RRP1B: variants seen among roughly 807,000 people sequenced by gnomAD.
RRP1B encodes the protein ribosomal RNA processing protein 1 homolog B.
Under a neutral mutation model 80.2 loss-of-function variants are expected in RRP1B, and 56 were observed. That is an observed-to-expected ratio of 0.70 (90% CI 0.56 to 0.87). The LOEUF (loss-of-function observed/expected upper bound fraction) is 0.87. Among genes scored for constraint, RRP1B ranks in the 40% least tolerant of loss-of-function variants. The pLI is 0.00. For synonymous variants in RRP1B, 351 were observed against 357.6 expected, an observed-to-expected ratio of 0.98 and a Z score of 0.21; for missense variants, 807 against 939.8, an observed-to-expected ratio of 0.86 and a Z score of 1.85.
chr21:43,684,030 AT>A (rs571614467), intron 9 of RRP1B, among the ~76,000 whole-genome samples: 6,949 of 139,666 alleles, frequency 0.05, 693 homozygotes, highest in African/African-American at 0.18. Flanking sequence ...CTCTATCACA[AT>A]TTTTTTTTTT....
intron 1 of RRP1B, among the ~76,000 whole-genome samples, chr21:43,665,450 G>A (rs2147160653): frequency 6.6e-6 from 1 of 152,330 alleles, no homozygotes; most frequent in East Asian, 1.9e-4. Flanking sequence ...TTTGATGGTG[G>A]TAAGGTTCTT....
chr21:43,669,840 G>T lies in RRP1B; in HGVS notation c.131-44G>T, dbSNP rs530144164. ...CACCACTTTCTAAACTTGAAGAAAA[G>T]AGATGCATAGACTCTAAGATGTTTG... On this transcript the variant is annotated intron_variant, in intron 1 of 15. Coordinates refer to ENST00000340648, the MANE Select transcript of RRP1B (RefSeq NM_015056.3). The T allele has an allele frequency of 1.5e-5, 20 of 1,364,660 alleles. No homozygotes were observed. In the African/African-American group the frequency reaches 2.7e-4, roughly 19 times the overall value. The allele number at this position is 1,364,660 out of a possible 1,614,324, so 84.5% of individuals were successfully genotyped here.
chr21:43,688,657 T>G (rs1447238483), intron 13 of RRP1B, among the ~76,000 whole-genome samples: 1 of 152,180 alleles, frequency 6.6e-6, no homozygotes, highest in Non-Finnish European at 1.5e-5. Flanking sequence ...ACTCACCTTC[T>G]TTTCTATATT....
chr21:43,668,338 C>A (rs1200962939), intron 1 of RRP1B, among the ~76,000 whole-genome samples: 1 of 151,158 alleles, frequency 6.6e-6, no homozygotes, highest in African/African-American at 2.4e-5. Context: ...AAACTTTGGT[C>A]CATTAAAAGG....
chr21:43,664,811 G>T (rs749936287), intron 1 of RRP1B, among the ~76,000 whole-genome samples: 14 of 152,134 alleles, frequency 9.2e-5, no homozygotes, highest in Non-Finnish European at 1.9e-4. Context: ...CATCCATGGC[G>T]GCAGGCAAGC....
chr21:43,691,259 C>T lies in RRP1B; in HGVS notation c.2020-180C>T, dbSNP rs529400290. Among the ~76,000 whole-genome samples the T allele has an allele frequency of 3.9e-5, 6 of 152,280 alleles. No individual in the cohort carries two copies. The South Asian group carries it at 6.2e-4, about 16-fold the overall frequency. On this transcript the variant is annotated intron_variant, in intron 14 of 15. Coordinates refer to ENST00000340648, the MANE Select transcript of RRP1B (RefSeq NM_015056.3). The surrounding 1 kb of genome is among the most constrained non-coding windows in gnomAD (Gnocchi z 4.2). ...ACAAAGGGCGGTCCTGGTGAAGCCC[C>T]GACAGGAGGGTCGGTTTCAGTCTTG...
intron 1 of RRP1B, among the ~76,000 whole-genome samples, chr21:43,667,459 A>G (rs374361545): frequency 6.6e-6 from 1 of 151,842 alleles, no homozygotes; most frequent in Admixed American, 6.6e-5. Flanking sequence ...CTGTCGCCCA[A>G]GCTCCATGGA....
rs1601763798 is a variant in RRP1B at position 43,693,267 on chromosome 21, C to T, written c.2161C>T (p.Pro721Ser). ...SRVAFDPEQK[P>S]LHGVLKTPTS... is the part of the protein sequence containing the mutation. The stretch of plus-strand genomic sequence containing the variant: ...AGTGGCCTTCGACCCTGAACAGAAG[C>T]CCCTCCACGGGGTGCTGAAGACCCC... Residue 721 changes from proline to serine, a missense_variant, in exon 16 of 16, where the codon CCC becomes TCC. Physicochemically the swap from Pro to Ser is moderately conservative, Grantham distance 74. Transcript: ENST00000340648. The surrounding 1 kb of genome is among the most constrained non-coding windows in gnomAD (Gnocchi z 4.1). The T allele has an allele frequency of 6.2e-7, 1 of 1,614,014 alleles. No homozygotes were observed. Among genetic ancestry groups the T allele is most frequent in the Non-Finnish European group, 8.5e-7 (1 of 1,179,986 alleles).
chr21:43,671,469 C>T (rs1170680735), intron 2 of RRP1B, among the ~76,000 whole-genome samples: 1 of 151,190 alleles, frequency 6.6e-6, no homozygotes, highest in African/African-American at 2.4e-5. Context: ...TATTGCTCAG[C>T]TGATCCTCCT....
Position 43,691,366 on chromosome 21 carries a change from C to A in RRP1B, c.2020-73C>A. 6.9e-7 allele frequency: 1 copy of A among 1,443,572 alleles called. No individual in the cohort carries two copies. The highest frequency in any genetic ancestry group is 1.2e-5 in the South Asian group (1 of 86,460). The allele number at this position is 1,443,572 out of a possible 1,614,324, so 89.4% of individuals were successfully genotyped here. A position where few individuals can be genotyped will look rare whatever the true frequency, so the allele number is the denominator to read the frequency against. On this transcript the variant is annotated intron_variant, in intron 14 of 15. Transcript: ENST00000340648. The surrounding 1 kb of genome is among the most constrained non-coding windows in gnomAD (Gnocchi z 4.2). ...CGGCATACCCTCCAGGGCAGGTTCT[C>A]CAGAAAAATCTGACTAAGCGCCTCC...
At chr21:43,685,618 C>A (rs2083059843) in intron 10 of RRP1B, 152 bp from the exon 11 acceptor site, 1 of 533,704 alleles carries the variant, frequency 1.9e-6, no homozygotes, top group South Asian at 4.2e-5. Context: ...CCTGTCTAGC[C>A]TCCCCTCCTG....
chr21:43,660,648 G>A (rs1314859329), intron 1 of RRP1B, among the ~76,000 whole-genome samples: 3 of 152,212 alleles, frequency 2.0e-5, no homozygotes, highest in Non-Finnish European at 4.4e-5. Context: ...AGGCTGTTCT[G>A]GGAAGGCCTC....
chr21:43,676,447 A>C, intron 7 of RRP1B, 111 bp downstream of exon 7: 1 of 843,754 alleles, frequency 1.2e-6, no homozygotes, highest in East Asian at 2.5e-5. Flanking sequence ...CACAGCAGAG[A>C]GCGGCTGGAG....
rs185270013 is a variant in RRP1B, at chr21:43,664,118, C to T, written c.130+4324C>T. Among the ~76,000 whole-genome samples the T allele has an allele frequency of 1.3e-4, 20 of 152,108 alleles. No individual in the cohort carries two copies. In the East Asian group the frequency reaches 3.7e-3, roughly 28 times the overall value. On this transcript the variant is annotated intron_variant, in intron 1 of 15. Coordinates refer to ENST00000340648, the MANE Select transcript of RRP1B (RefSeq NM_015056.3). ...TCCTAGGTGAACACACACACACAGA[C>T]ATAAATGGAAAATAGATGTTTTAAA...
At chr21:43,688,302 T>C (rs1015232423) in intron 13 of RRP1B, 62 bp downstream of exon 13, 1 of 1,464,726 alleles carries the variant, frequency 6.8e-7, no homozygotes, top group Non-Finnish European at 9.1e-7. Context: ...TCCATGGGGC[T>C]CCACTGCCTC....
At position 43,676,903 on chromosome 21, in the gene RRP1B, A is replaced by G. The variant is rs753281860; in HGVS notation, c.785A>G (p.Lys262Arg). 6.2e-7 allele frequency: 1 copy of G among 1,614,024 alleles called. No individual in the cohort carries two copies. Among genetic ancestry groups the G allele is most frequent in the Non-Finnish European group, 8.5e-7 (1 of 1,179,990 alleles). Residue 262 changes from lysine to arginine, a missense_variant, in exon 8 of 16, where the codon AAA becomes AGA. Transcript: ENST00000340648. ...GTATCCTTGAGAAGAGCTGTCAGTA[A>G]AAAGAAGACAGGTAGGAGGATGTTC... ...NEVSLRRAVS[K>R]KKTALGKNHS...
At chr21:43,676,014 C>A (rs931092451) in intron 6 of RRP1B, among the ~76,000 whole-genome samples, 2 of 152,106 alleles carry the variant, frequency 1.3e-5, no homozygotes, top group African/African-American at 4.8e-5. Context: ...ATATGTTGGG[C>A]ATATAGGATA....
intron 8 of RRP1B, among the ~76,000 whole-genome samples, chr21:43,680,537 C>T (rs1184954702): frequency 2.0e-5 from 3 of 151,776 alleles, no homozygotes; most frequent in Non-Finnish European, 4.4e-5. Context: ...GCACTCCAGC[C>T]TGGGCGACAG....
At chr21:43,682,552 A>G (rs568863822) in intron 8 of RRP1B, among the ~76,000 whole-genome samples, 21 of 152,326 alleles carry the variant, frequency 1.4e-4, no homozygotes, top group African/African-American at 5.1e-4. Context: ...GGTTCTCACC[A>G]AGGTCCTAAA....
Sources: allele counts gnomAD v4.1 joint callset (sites outside exome capture counted in the v4.1 genomes callset), GRCh38; gene constraint gnomAD v4.1.1; non-coding constraint Gnocchi (gnomAD v3.1); transcripts MANE v1.5; gene names NCBI Gene and HGNC (gene_info 2026-07-23, HGNC 2026-07-21).